Variants in TAOK3 observed in about 807,000 individuals in gnomAD.
The protein encoded by TAOK3 is TAO kinase 3, also known as serine/threonine-protein kinase TAO3.
In TAOK3, 40 loss-of-function variants were observed where a neutral mutation model predicts 120.4. The ratio of observed to expected loss-of-function variants is 0.33; its 90% CI spans 0.26 to 0.43. The LOEUF (loss-of-function observed/expected upper bound fraction) is 0.43, where lower values mean the gene tolerates loss of function less well. Ranked by LOEUF, TAOK3 falls within the 20% of genes least tolerant of loss-of-function variation. The probability of loss-of-function intolerance (pLI) is 1.00; values close to 1 mark genes in which losing one functional copy is unlikely to be tolerated. For missense variants in TAOK3, 821 were observed against 1,112.1 expected, an observed-to-expected ratio of 0.74 and a Z score of 3.72; for synonymous variants, 355 against 387.5, an observed-to-expected ratio of 0.92 and a Z score of 0.99.
At chr12:118,221,967 T>G (rs2039256561) in intron 9 of TAOK3, among the ~76,000 whole-genome samples, 1 of 151,910 alleles carries the variant, frequency 6.6e-6, no homozygotes, top group Admixed American at 6.6e-5. Flanking sequence ...AGGAAAAAGG[T>G]AGAAGCATAC....
At chr12:118,289,770 G>A (rs1008992355) in intron 1 of TAOK3, among the ~76,000 whole-genome samples, 2 of 152,066 alleles carry the variant, frequency 1.3e-5, no homozygotes, top group African/African-American at 4.8e-5. Flanking sequence ...CAGGGCAGGC[G>A]AATCACCTGA....
At chr12:118,289,549 C>G (rs1052685135) in intron 1 of TAOK3, among the ~76,000 whole-genome samples, 1 of 152,126 alleles carries the variant, frequency 6.6e-6, no homozygotes, top group Non-Finnish European at 1.5e-5. Flanking sequence ...TCCAAAGACT[C>G]TTTAAATTTA....
At chr12:118,340,263 C>T (rs1593612761) in intron 1 of TAOK3, among the ~76,000 whole-genome samples, 1 of 152,144 alleles carries the variant, frequency 6.6e-6, no homozygotes, top group Non-Finnish European at 1.5e-5. Context: ...GGACACCCCA[C>T]CTTCCCTCCC....
At chr12:118,318,991 T>C (rs2043588850) in intron 1 of TAOK3, among the ~76,000 whole-genome samples, 1 of 152,168 alleles carries the variant, frequency 6.6e-6, no homozygotes, top group South Asian at 2.1e-4. Flanking sequence ...AGAAGTTGTA[T>C]GATCTCATTT....
At chr12:118,187,950 T>C (rs149819204) in intron 14 of TAOK3, among the ~76,000 whole-genome samples, 64 of 152,238 alleles carry the variant, frequency 4.2e-4, no homozygotes, top group Middle Eastern at 3.4e-3. Context: ...AAGACTGTGA[T>C]GGCTGATATA....
In TAOK3 at chr12:118,233,747, G is replaced by A; in HGVS notation, c.570C>T (p.Ile190=). 1 of 1,606,784 alleles carries A rather than the reference G, an allele frequency of 6.2e-7. No homozygotes were observed. The highest frequency in any genetic ancestry group is 8.5e-7 in the Non-Finnish European group (1 of 1,177,074). The change falls in exon 9 of 21, where the codon ATC becomes ATT. Residue 190 remains isoleucine, a synonymous_variant. Coordinates refer to ENST00000392533, the MANE Select transcript of TAOK3 (RefSeq NM_016281.4). The stretch of plus-strand genomic sequence containing the variant: ...CATACTGTCCTTCATCCATAGCTAA[G>A]ATCACCTCTGGAGCCATCCTACCAA... The part of the protein sequence containing the change: ...GTPYWMAPEV[I]LAMDEGQYDG...
intron 3 of TAOK3, among the ~76,000 whole-genome samples, chr12:118,254,382 A>G (rs968800594): frequency 6.6e-6 from 1 of 152,136 alleles, no homozygotes; most frequent in Non-Finnish European, 1.5e-5. Context: ...GGCATATACT[A>G]GTTCTTGAGT....
At chr12:118,327,641 CAGA>C (rs1249540577) in intron 1 of TAOK3, among the ~76,000 whole-genome samples, 2 of 152,080 alleles carry the variant, frequency 1.3e-5, no homozygotes, top group African/African-American at 2.4e-5. Flanking sequence ...TCCTTTCTGG[CAGA>C]AGAAGAACTT....
intron 1 of TAOK3, among the ~76,000 whole-genome samples, chr12:118,306,952 G>T (rs78845510): frequency 0.014 from 2,122 of 152,212 alleles, 54 homozygotes; most frequent in African/African-American, 0.048. Flanking sequence ...ACAGAAGAAC[G>T]GAATTTTTAA....
At chr12:118,334,088 T>C (rs968291492) in intron 1 of TAOK3, among the ~76,000 whole-genome samples, 15 of 146,540 alleles carry the variant, frequency 1.0e-4, no homozygotes, top group Non-Finnish European at 1.8e-4. Context: ...TGAGCCGAGA[T>C]TGCACCATTG....
chr12:118,330,432 A>G (rs1243677419), intron 1 of TAOK3, among the ~76,000 whole-genome samples: 6 of 152,174 alleles, frequency 3.9e-5, no homozygotes, highest in Non-Finnish European at 1.5e-5. Context: ...GCAGCTTTGT[A>G]TATTTTTAGA....
In TAOK3 at chr12:118,160,362, G is replaced by A. The variant is rs767553867; in HGVS notation, c.2140-4C>T. The A allele has an allele frequency of 1.3e-4, 210 of 1,611,322 alleles. No homozygotes were observed. The highest frequency in any genetic ancestry group is 6.8e-5 in the Non-Finnish European group (80 of 1,178,718). On this transcript the variant is annotated splice_polypyrimidine_tract_variant and splice_region_variant and intron_variant, in intron 18 of 20. Transcript: ENST00000392533. This position sits in a 1 kb window ranked among gnomAD's most constrained non-coding sequence, Gnocchi z 4.2. ...TTTTAATTTGCATTTCCATGGCCTG[G>A]GTAGAAAAAGTGACAAAGGAAAAAT... is the stretch of plus-strand genomic sequence containing the variant.
At position 118,255,510 on chromosome 12, in the gene TAOK3, G is replaced by A. The variant is rs1484780086; in HGVS notation, c.58C>T (p.Pro20Ser). Residue 20 changes from proline to serine, a missense_variant, in exon 3 of 21, where the codon CCT becomes TCT. Physicochemically the swap from Pro to Ser is moderately conservative, Grantham distance 74. Transcript: ENST00000392533. ...TGCAAACCAATAAAAAGTTCCTCAG[G>A]ATCATCTTTGTAGAATAGATCGGCA... Reference protein sequence around the residue: ...EIADLFYKDDPEELFIGLHEI... With the variant: ...EIADLFYKDDSEELFIGLHEI... 1.2e-6 allele frequency: 2 copies of A among 1,614,078 alleles called. No homozygotes were observed. Among genetic ancestry groups the A allele is most frequent in the Non-Finnish European group, 1.7e-6 (2 of 1,179,972 alleles).
rs747723048 is a variant in TAOK3 at position 118,181,425 on chromosome 12, C to T, written c.1512G>A (p.Ser504=). 13 of 1,614,168 alleles carry T rather than the reference C, an allele frequency of 8.1e-6. No homozygotes were observed. The highest frequency in any genetic ancestry group is 1.7e-5 in the Admixed American group (1 of 60,026). ...TGGCCAGCTTCTCCAGCTCGATGGA[C>T]GAGTTGTTGGCATGCGTCTCCACCT... The part of the protein sequence containing the change: ...QKEVETHANN[S]SIELEKLAKK... The change falls in exon 15 of 21, where the codon TCG becomes TCA. Residue 504 remains serine (S), a synonymous_variant. Coordinates refer to ENST00000392533, the MANE Select transcript of TAOK3 (RefSeq NM_016281.4).
At chr12:118,225,748 C>T (rs1215814074) in intron 9 of TAOK3, among the ~76,000 whole-genome samples, 1 of 152,076 alleles carries the variant, frequency 6.6e-6, no homozygotes, top group Non-Finnish European at 1.5e-5. Context: ...AAGTTATTTC[C>T]TTGTTTTTGA....
chr12:118,214,519 A>G (rs1288288907), intron 9 of TAOK3, among the ~76,000 whole-genome samples: 1 of 151,964 alleles, frequency 6.6e-6, no homozygotes, highest in Non-Finnish European at 1.5e-5. Flanking sequence ...ATATTCACTT[A>G]AAAAAGTCAG....
intron 14 of TAOK3, among the ~76,000 whole-genome samples, chr12:118,186,637 GAAAAGAAAGGTTAAAATAAAGA>G (rs2037094784): frequency 6.6e-6 from 1 of 152,076 alleles, no homozygotes; most frequent in Admixed American, 6.5e-5. Flanking sequence ...ACAGAAGAAG[GAAAAGAAAGGTTAAAATAAAGA>G]TGCCATGAAA....
intron 1 of TAOK3, among the ~76,000 whole-genome samples, chr12:118,308,884 C>T (rs1475742635): frequency 2.2e-5 from 3 of 134,836 alleles, no homozygotes; most frequent in Non-Finnish European, 4.6e-5. Context: ...GACCTGAGAT[C>T]GCACCACTGC....
chr12:118,358,914 C>G (rs2045499344), intron 1 of TAOK3: 1 of 152,108 alleles, frequency 6.6e-6, no homozygotes, highest in Non-Finnish European at 1.5e-5. Flanking sequence ...ACCAATGACA[C>G]TTACTCACAG....
Sources: gnomAD v4.1 joint callset for allele counts (sites outside exome capture counted in the v4.1 genomes callset) on GRCh38, gnomAD v4.1.1 for gene constraint, Gnocchi (gnomAD v3.1) non-coding constraint, MANE v1.5 for transcripts, NCBI Gene and HGNC (gene_info 2026-07-23, HGNC 2026-07-21) for gene names.